The following SORCS1 variants were observed in gnomAD, a reference collection of about 807,000 sequenced individuals.
SORCS1 encodes sortilin related VPS10 domain containing receptor 1.
Under a neutral mutation model 146.1 loss-of-function variants are expected in SORCS1, and 60 were observed. That is an observed-to-expected ratio of 0.41 (90% CI 0.33 to 0.51). SORCS1 has a LOEUF of 0.51. SORCS1 is among the 20% of genes least tolerant of loss of function. SORCS1 has a pLI of 0.21. For synonymous variants in SORCS1, 637 were observed against 584.0 expected, an observed-to-expected ratio of 1.09 and a Z score of -1.31; for missense variants, 1,352 against 1,487.6, an observed-to-expected ratio of 0.91 and a Z score of 1.50.
At chr10:106,965,988 T>C (rs1293912038) in intron 1 of SORCS1, among the ~76,000 whole-genome samples, 6 of 152,240 alleles carry the variant, frequency 3.9e-5, no homozygotes, top group Admixed American at 2.6e-4. Context: ...TTACGTTTTT[T>C]AAAGTTTTGA....
intron 1 of SORCS1, among the ~76,000 whole-genome samples, chr10:107,133,873 T>C (rs1239784860): frequency 1.3e-5 from 2 of 152,238 alleles, no homozygotes; most frequent in African/African-American, 4.8e-5. Flanking sequence ...GTCTTTTCTG[T>C]CTGTCTAACA....
At chr10:106,673,953 C>G (rs572130866) in intron 14 of SORCS1, among the ~76,000 whole-genome samples, 1 of 151,942 alleles carries the variant, frequency 6.6e-6, no homozygotes, top group African/African-American at 2.4e-5. Flanking sequence ...AATTTAGCTA[C>G]GTCTCTCATT....
intron 2 of SORCS1, among the ~76,000 whole-genome samples, chr10:106,839,755 G>A (rs1366204278): frequency 1.3e-5 from 2 of 152,192 alleles, no homozygotes; most frequent in Non-Finnish European, 2.9e-5. Flanking sequence ...GGGGGCTAAT[G>A]CAATTGGTGA....
At chr10:106,894,265 G>A (rs199552005) in intron 2 of SORCS1, among the ~76,000 whole-genome samples, 10,952 of 119,794 alleles carry the variant, frequency 0.091, 901 homozygotes, top group African/African-American at 0.24. Flanking sequence ...GCGCGCGCAC[G>A]TGTGCGTGTG....
chr10:106,684,881 T>C (rs1399586836), intron 10 of SORCS1, among the ~76,000 whole-genome samples: 1 of 152,200 alleles, frequency 6.6e-6, no homozygotes, highest in East Asian at 1.9e-4. Flanking sequence ...TTCTTTCCTA[T>C]TTAGTGCCTT....
chr10:106,608,002 C>A (rs889639035), intron 22 of SORCS1, among the ~76,000 whole-genome samples: 3 of 152,224 alleles, frequency 2.0e-5, no homozygotes, highest in Non-Finnish European at 2.9e-5. Context: ...TCAAGGACTT[C>A]TTGTTTATCC....
intron 1 of SORCS1, among the ~76,000 whole-genome samples, chr10:107,020,676 T>C (rs1160576414): frequency 6.6e-6 from 1 of 152,178 alleles, no homozygotes; most frequent in African/African-American, 2.4e-5. Context: ...CCTGTTTTTC[T>C]TCCTGTTATA....
At chr10:106,709,475 G>A (rs1854802902) in intron 6 of SORCS1, 134 bp from the exon 7 acceptor site, 14 of 434,900 alleles carry the variant, frequency 3.2e-5, no homozygotes, top group South Asian at 2.6e-4. Flanking sequence ...TTGAGATGGA[G>A]TCTCGCTCTG....
chr10:107,033,264 G>A (rs1013783454), intron 1 of SORCS1, among the ~76,000 whole-genome samples: 2 of 152,120 alleles, frequency 1.3e-5, no homozygotes, highest in African/African-American at 4.8e-5. Context: ...CAGCAAAGGG[G>A]AACCTCACCC....
At chr10:106,705,125 A>G (rs1186782552) in intron 8 of SORCS1, among the ~76,000 whole-genome samples, 2 of 152,228 alleles carry the variant, frequency 1.3e-5, no homozygotes, top group Non-Finnish European at 1.5e-5. Flanking sequence ...CACTTAAGCC[A>G]AATCAAGAAC....
intron 2 of SORCS1, among the ~76,000 whole-genome samples, chr10:106,903,631 C>A (rs7915462): frequency 0.077 from 11,768 of 152,048 alleles, 1,022 homozygotes; most frequent in African/African-American, 0.2. Context: ...AAAAGAGTGA[C>A]GATTTTGAAG....
At chr10:107,074,052 C>T (rs935973210) in intron 1 of SORCS1, among the ~76,000 whole-genome samples, 2 of 152,064 alleles carry the variant, frequency 1.3e-5, no homozygotes, top group African/African-American at 4.8e-5. Flanking sequence ...TCGTCATCAC[C>T]CAGAGTACAA....
intron 1 of SORCS1, among the ~76,000 whole-genome samples, chr10:107,029,220 G>A (rs1221831275): frequency 6.6e-6 from 1 of 152,164 alleles, no homozygotes; most frequent in Non-Finnish European, 1.5e-5. Context: ...GTTTTTATAA[G>A]AGGATGTTTT....
At chr10:107,052,557 T>C (rs1739550087) in intron 1 of SORCS1, among the ~76,000 whole-genome samples, 1 of 152,166 alleles carries the variant, frequency 6.6e-6, no homozygotes, top group African/African-American at 2.4e-5. Context: ...TACTACTTGG[T>C]AAGCACATTT....
At chr10:106,620,307 G>A (rs1847654060) in intron 20 of SORCS1, 121 bp downstream of exon 20, 1 of 1,295,164 alleles carries the variant, frequency 7.7e-7, no homozygotes, top group African/African-American at 1.5e-5. Flanking sequence ...GGAGCTTGTT[G>A]TCCTTGAAGC....
At chr10:106,999,926 GA>G (rs112201363) in intron 1 of SORCS1, among the ~76,000 whole-genome samples, 1 of 151,220 alleles carries the variant, frequency 6.6e-6, no homozygotes, top group Non-Finnish European at 1.5e-5. Flanking sequence ...TTGTTGTTTG[GA>G]AAAAAAAATC....
At chr10:107,151,547 A>C (rs1433004179) in intron 1 of SORCS1, among the ~76,000 whole-genome samples, 1 of 152,194 alleles carries the variant, frequency 6.6e-6, no homozygotes, top group African/African-American at 2.4e-5. Flanking sequence ...AACCCATCAG[A>C]TCCCATGAGA....
Position 106,935,091 on chromosome 10 carries a change from AAAAG to A in SORCS1, c.626+21418_626+21421del, listed in dbSNP as rs1336906107. Among the ~76,000 whole-genome samples the A allele has an allele frequency of 2.0e-5, 3 of 151,638 alleles. No homozygotes were observed. In the East Asian group the frequency reaches 5.8e-4, roughly 29 times the overall value. ...ATTAAAAAAATACTTACAAATAAAA[AAAAG>A]AAAAGAAAATAATTTTTGGAATACC... On this transcript the variant is annotated intron_variant, in intron 2 of 25. Transcript: ENST00000263054.
At chr10:106,705,878 T>C (rs978768951) in intron 8 of SORCS1, among the ~76,000 whole-genome samples, 4 of 152,130 alleles carry the variant, frequency 2.6e-5, no homozygotes, top group African/African-American at 9.7e-5. Flanking sequence ...GGATATGCCT[T>C]TGGGGAAGTC....
Sources: allele counts gnomAD v4.1 joint callset (sites outside exome capture counted in the v4.1 genomes callset), GRCh38; gene constraint gnomAD v4.1.1; transcripts MANE v1.5; gene names NCBI Gene and HGNC (gene_info 2026-07-23, HGNC 2026-07-21).